The following CEP78 variants were observed in gnomAD, a reference collection of about 807,000 sequenced individuals.
CEP78 encodes centrosomal protein 78, also known as centrosomal protein of 78 kDa.
In CEP78, 76 loss-of-function variants were observed where a neutral mutation model predicts 81.2. The observed-to-expected ratio is 0.94, with a 90% CI of 0.78 to 1.13. CEP78 has a LOEUF of 1.13. Among genes scored for constraint, CEP78 ranks in the 50% most tolerant of loss-of-function variants. The pLI is 0.00. For missense variants in CEP78, 918 were observed against 846.8 expected (o/e 1.08, Z -1.04); for synonymous variants, 293 against 301.4 (o/e 0.97, Z 0.29).
In CEP78 at chr9:78,277,410, T is replaced by C. The variant is rs1230809959; in HGVS notation, c.*6559T>C. On this transcript the variant is annotated 3_prime_UTR_variant, in exon 17 of 17. Transcript: ENST00000643273. Reference sequence around the variant, plus strand: ...ATAGAACAGAAGATTTAAGATAATATAAAGAGCACCTACAAACAACAAAAA... The same window carrying C: ...ATAGAACAGAAGATTTAAGATAATACAAAGAGCACCTACAAACAACAAAAA... 3 of 151,964 alleles carry C rather than the reference T, an allele frequency of 2.0e-5. No individual in the cohort carries two copies. The highest frequency in any genetic ancestry group is 4.4e-5 in the Non-Finnish European group (3 of 67,958). 9.4% of individuals were successfully genotyped at this position (151,964 alleles called of 1,614,324 possible). A position where few individuals can be genotyped will look rare whatever the true frequency, so the allele number is the denominator to read the frequency against.
At position 78,278,436 on chromosome 9, in the gene CEP78, T is replaced by G. The variant is rs1381781549; in HGVS notation, c.*7585T>G. 3.9e-5 allele frequency: 6 copies of G among 152,216 alleles called. No individual in the cohort carries two copies. Among genetic ancestry groups the G allele is most frequent in the Non-Finnish European group, 8.8e-5 (6 of 68,034 alleles). The allele number at this position is 152,216 out of a possible 1,614,324, so 9.4% of individuals were successfully genotyped here. Reference sequence around the variant, plus strand: ...AAGCTTTCTGCAAAGTTAAAAGTAGTAGTCCTGGCCCCACCTTCCTTGTGT... The same window carrying G: ...AAGCTTTCTGCAAAGTTAAAAGTAGGAGTCCTGGCCCCACCTTCCTTGTGT... On this transcript the variant is annotated 3_prime_UTR_variant, in exon 17 of 17. Transcript: ENST00000643273.
At chr9:78,267,359 T>G (rs772251725) in intron 16 of CEP78, among the ~76,000 whole-genome samples, 48 of 152,294 alleles carry the variant, frequency 3.2e-4, no homozygotes, top group Non-Finnish European at 5.9e-4. Context: ...AGTGAATAAA[T>G]GGAATAATTT....
In CEP78 at chr9:78,238,258, G is replaced by A. The variant is rs77071218; in HGVS notation, c.253+1655G>A. Among the ~76,000 whole-genome samples the A allele has an allele frequency of 3.0e-3, 456 of 152,314 alleles. 4 individuals are homozygous for A. The highest frequency in any genetic ancestry group is 9.6e-3 in the African/African-American group (397 of 41,570). On this transcript the variant is annotated intron_variant, in intron 1 of 16. Transcript: ENST00000643273. ...GCGTCTGTAAGTGAAACACAGCAGC[G>A]TCTTTCCATGACACAGCCGAGTTAA... is the stretch of plus-strand genomic sequence containing the variant.
rs1249186521 is a variant in CEP78, at chr9:78,240,097, A to T, written c.328A>T (p.Lys110Ter). Residue 110 changes from lysine (K) to a stop codon, truncating the protein, a stop_gained, in exon 2 of 17, where the codon AAA becomes TAA. Coordinates refer to ENST00000643273, the MANE Select transcript of CEP78 (RefSeq NM_001330691.3). LOFTEE classifies it high-confidence loss of function. The part of the protein sequence containing the change: ...RYKDVTFQLC[K>*]ALKGCLSISS... ...CAAAGATGTGACCTTCCAGTTGTGT[A>T]AAGCTCTTAAAGGCTGTTTAAGTAT... 3 of 1,585,076 alleles carry T rather than the reference A, an allele frequency of 1.9e-6. No individual in the cohort carries two copies. Among genetic ancestry groups the T allele is most frequent in the Non-Finnish European group, 2.6e-6 (3 of 1,173,364 alleles).
At chr9:78,242,193 C>G (rs956722107) in intron 4 of CEP78, among the ~76,000 whole-genome samples, 5 of 151,702 alleles carry the variant, frequency 3.3e-5, no homozygotes, top group African/African-American at 4.8e-5. Flanking sequence ...TGGACCAAAT[C>G]TAGCCTATCA....
At position 78,248,776 on chromosome 9, in the gene CEP78, T is replaced by C; in HGVS notation, c.972T>C (p.Thr324=). ...GTCTCTTTTAGTACCAGTGGATAACTTCTCCATCAGTGAAGGAACCATCCA... is the reference window on the plus strand; with the variant it reads ...GTCTCTTTTAGTACCAGTGGATAACCTCTCCATCAGTGAAGGAACCATCCA... ...RSAKSEYQWI[T]SPSVKEPSKT... Residue 324 remains threonine, a synonymous_variant, in exon 8 of 17, where the codon ACT becomes ACC. Coordinates refer to ENST00000643273, the MANE Select transcript of CEP78 (RefSeq NM_001330691.3). 1.9e-6 allele frequency: 3 copies of C among 1,574,364 alleles called. No homozygotes were observed. The highest frequency in any genetic ancestry group is 2.6e-6 in the Non-Finnish European group (3 of 1,154,456).
chr9:78,238,985 T>C lies in CEP78; in HGVS notation c.254-1038T>C, dbSNP rs117835345. Reference sequence around the variant, plus strand: ...GCCTGGGTGACAGAGCAAGACCCTGTCCATGACCCTCCCCCTACAAAAAAT... The same window carrying C: ...GCCTGGGTGACAGAGCAAGACCCTGCCCATGACCCTCCCCCTACAAAAAAT... On this transcript the variant is annotated intron_variant, in intron 1 of 16. Transcript: ENST00000643273. Among the ~76,000 whole-genome samples, 571 of 151,980 alleles carry C rather than the reference T, an allele frequency of 3.8e-3. 4 individuals carry two copies. The East Asian group carries it at 0.043, about 12-fold the overall frequency.
intron 5 of CEP78, among the ~76,000 whole-genome samples, chr9:78,244,892 C>T (rs1826408338): frequency 6.6e-6 from 1 of 152,082 alleles, no homozygotes; most frequent in Non-Finnish European, 1.5e-5. Context: ...AGGAGAGTTG[C>T]TGTGTTAACA....
chr9:78,236,226 C>A lies in CEP78; in HGVS notation c.-125C>A. ...TCCGACCGAATCACCGCTCCTGAGC[C>A]CGGTGCGGGGCTGCCGCTATCGCCT... is the stretch of plus-strand genomic sequence containing the variant. On this transcript the variant is annotated 5_prime_UTR_variant, in exon 1 of 17. Coordinates refer to ENST00000643273, the MANE Select transcript of CEP78 (RefSeq NM_001330691.3). 1 of 821,080 alleles carries A rather than the reference C, an allele frequency of 1.2e-6. No homozygotes were observed. Among genetic ancestry groups the A allele is most frequent in the Non-Finnish European group, 1.8e-6 (1 of 544,042 alleles). 50.9% of individuals were successfully genotyped at this position (821,080 alleles called of 1,614,324 possible).
At chr9:78,255,093 TC>T in intron 11 of CEP78, 129 bp downstream of exon 11, 1 of 609,096 alleles carries the variant, frequency 1.6e-6, no homozygotes, top group South Asian at 2.1e-5. Context: ...CTATCTCATA[TC>T]CCTTGAATGG....
intron 13 of CEP78, among the ~76,000 whole-genome samples, chr9:78,264,702 T>A (rs1355345381): frequency 6.6e-6 from 1 of 152,052 alleles, no homozygotes; most frequent in Non-Finnish European, 1.5e-5. Context: ...TAGCTGTGAT[T>A]CTTGTTAAAG....
In CEP78 at chr9:78,252,172, CTCATGAAT is replaced by C. The variant is rs1188908226; in HGVS notation, c.1205+130_1205+137del. ...TAAAAATGACTCATGTGGCTTCTGC[CTCATGAAT>C]CCTTTAAGGAAGAAAAACAAAAAAT... On this transcript the variant is annotated intron_variant, in intron 9 of 16. Coordinates refer to ENST00000643273, the MANE Select transcript of CEP78 (RefSeq NM_001330691.3). 3 of 736,016 alleles carry C rather than the reference CTCATGAAT, an allele frequency of 4.1e-6. No homozygotes were observed. In the African/African-American group the frequency reaches 5.2e-5, roughly 13 times the overall value. The allele number at this position is 736,016 out of a possible 1,614,324, so 45.6% of individuals were successfully genotyped here. A position where few individuals can be genotyped will look rare whatever the true frequency, so the allele number is the denominator to read the frequency against.
Position 78,243,612 on chromosome 9 carries a change from CTCAG to C in CEP78, c.756_759del (p.Ser253ArgfsTer5). The stretch of plus-strand genomic sequence containing the variant: ...AGGTGCATGTGCTTTTGCAGACTCT[CTCAG>C]TGAGGATTTATGGCTGAGAGGTAAG... On this transcript the variant is annotated frameshift_variant, in exon 5 of 17. Coordinates refer to ENST00000643273, the MANE Select transcript of CEP78 (RefSeq NM_001330691.3). LOFTEE classifies it high-confidence loss of function. The C allele has an allele frequency of 6.2e-7, 1 of 1,613,382 alleles. No individual in the cohort carries two copies. The highest frequency in any genetic ancestry group is 1.1e-5 in the South Asian group (1 of 90,964).
In CEP78 at chr9:78,264,261, A is replaced by ATTT; in HGVS notation, c.1572_1573insTTT (p.Ile524_Glu525insPhe). 6.2e-7 allele frequency: 1 copy of ATTT among 1,612,926 alleles called. No homozygotes were observed. Among genetic ancestry groups the ATTT allele is most frequent in the Non-Finnish European group, 8.5e-7 (1 of 1,179,374 alleles). ...GGATGATGAAGGTGTTTTGGGCAGC[A>ATTT]TTGAGAATTCTTTTCAGAAGTTTCA... is the stretch of plus-strand genomic sequence containing the variant. On this transcript the variant is annotated inframe_insertion, in exon 13 of 17. Coordinates refer to ENST00000643273, the MANE Select transcript of CEP78 (RefSeq NM_001330691.3).
intron 11 of CEP78, among the ~76,000 whole-genome samples, chr9:78,256,255 A>G (rs1827019489): frequency 6.6e-6 from 1 of 152,212 alleles, no homozygotes; most frequent in African/African-American, 2.4e-5. Flanking sequence ...TATAGGAAAA[A>G]GGAAGGGAGC....
intron 11 of CEP78, among the ~76,000 whole-genome samples, chr9:78,257,012 G>T (rs1330008059): frequency 6.6e-6 from 1 of 151,678 alleles, no homozygotes; most frequent in East Asian, 1.9e-4. Flanking sequence ...AAATACAACA[G>T]AAATCATATG....
chr9:78,243,572 A>T lies in CEP78; in HGVS notation c.714A>T (p.Thr238=). The T allele has an allele frequency of 6.2e-7, 1 of 1,613,824 alleles. No homozygotes were observed. Among genetic ancestry groups the T allele is most frequent in the Non-Finnish European group, 8.5e-7 (1 of 1,179,806 alleles). ...GACGTATCACACTGAATTGCAACAC[A>T]CTTATTGGTGACCTAGGTGCATGTG... ...GLRRITLNCN[T]LIGDLGACAF... is the part of the protein sequence containing the mutation. Residue 238 remains threonine (T), a synonymous_variant, in exon 5 of 17, where the codon ACA becomes ACT. Coordinates refer to ENST00000643273, the MANE Select transcript of CEP78 (RefSeq NM_001330691.3).
In CEP78 at chr9:78,277,889, TAA is replaced by T. The variant is rs1404173624; in HGVS notation, c.*7040_*7041del. ...CTGACATATAACACTCTGCAGCAGA[TAA>T]AGACAATAGCTCTCTAGTGTGGACA... On this transcript the variant is annotated 3_prime_UTR_variant, in exon 17 of 17. Coordinates refer to ENST00000643273, the MANE Select transcript of CEP78 (RefSeq NM_001330691.3). 3 of 152,208 alleles carry T rather than the reference TAA, an allele frequency of 2.0e-5. No individual in the cohort carries two copies. The highest frequency in any genetic ancestry group is 7.2e-5 in the African/African-American group (3 of 41,446). The allele number at this position is 152,208 out of a possible 1,614,324, so 9.4% of individuals were successfully genotyped here.
chr9:78,265,411 A>T lies in CEP78; in HGVS notation c.1665A>T (p.Ser555=). The T allele has an allele frequency of 6.2e-7, 1 of 1,607,002 alleles. No homozygotes were observed. ...QLATMAGIDQ[S]DFQLLGHPQM... The stretch of plus-strand genomic sequence containing the variant: ...CCACAATGGCTGGGATAGATCAGTC[A>T]GATTTTCAATTACTAGGTCATCCCC... The change falls in exon 14 of 17, where the codon TCA becomes TCT. Residue 555 remains serine (S), a synonymous_variant. Coordinates refer to ENST00000643273, the MANE Select transcript of CEP78 (RefSeq NM_001330691.3).
Sources: gnomAD v4.1 joint callset for allele counts (sites outside exome capture counted in the v4.1 genomes callset) on GRCh38, gnomAD v4.1.1 for gene constraint, MANE v1.5 for transcripts, NCBI Gene and HGNC (gene_info 2026-07-23, HGNC 2026-07-21) for gene names.